ATG7: variants seen among roughly 807,000 people sequenced by gnomAD.
The protein encoded by ATG7 is autophagy related 7, also known as ubiquitin-like modifier-activating enzyme ATG7.
A neutral mutation model predicts 82.4 loss-of-function variants in ATG7; 70 were observed. The ratio of observed to expected loss-of-function variants is 0.85; its 90% CI spans 0.70 to 1.04. ATG7 has a LOEUF of 1.04. Among genes scored for constraint, ATG7 ranks in the 50% least tolerant of loss-of-function variants. The pLI, the probability that ATG7 is intolerant of heterozygous loss-of-function variation, is 0.00. For synonymous variants in ATG7, 287 were observed against 313.0 expected (o/e 0.92, Z 0.88); for missense variants, 792 against 864.3 (o/e 0.92, Z 1.05).
intron 19 of ATG7, among the ~76,000 whole-genome samples, chr3:11,396,228 C>A (rs542950430): frequency 6.6e-6 from 1 of 152,244 alleles, no homozygotes; most frequent in African/African-American, 2.4e-5. Flanking sequence ...AAGCGCATCA[C>A]TTGAGGTCAA....
downstream of ATG7, among the ~76,000 whole-genome samples, chr3:11,561,963 G>C (rs761743481): frequency 6.9e-6 from 1 of 145,344 alleles, no homozygotes; most frequent in South Asian, 2.2e-4. Context: ...GCAGTGACGC[G>C]ATCTTGGCTC....
At chr3:11,528,026 G>C (rs1372734065) in intron 20 of ATG7, among the ~76,000 whole-genome samples, 1 of 152,192 alleles carries the variant, frequency 6.6e-6, no homozygotes, top group Non-Finnish European at 1.5e-5. Context: ...CCTGTTACTT[G>C]AAGATCACCC....
intron 20 of ATG7, among the ~76,000 whole-genome samples, chr3:11,552,371 T>C (rs981377093): frequency 6.6e-6 from 1 of 152,214 alleles, no homozygotes; most frequent in Admixed American, 6.5e-5. Context: ...TTTTTTAAAA[T>C]GTGCCAGTTT....
At chr3:11,275,811 C>A (rs1317939682) in intron 1 of ATG7, among the ~76,000 whole-genome samples, 1 of 152,194 alleles carries the variant, frequency 6.6e-6, no homozygotes, top group Admixed American at 6.5e-5. Context: ...AGCCTATTCA[C>A]TCCATCTCAG....
chr3:11,401,363 A>C (rs2079818374), intron 19 of ATG7, among the ~76,000 whole-genome samples: 3 of 152,190 alleles, frequency 2.0e-5, no homozygotes, highest in Admixed American at 2.0e-4. Flanking sequence ...TCCTTCAAAT[A>C]ATATCTTTGG....
At chr3:11,309,451 AT>A (rs3836459) in intron 7 of ATG7, among the ~76,000 whole-genome samples, 85 of 147,318 alleles carry the variant, frequency 5.8e-4, no homozygotes, top group African/African-American at 1.4e-3. Context: ...TCGCTTGTTG[AT>A]TTTTTTTTTT....
chr3:11,305,022 C>T (rs939285213), intron 5 of ATG7, among the ~76,000 whole-genome samples: 7 of 152,170 alleles, frequency 4.6e-5, no homozygotes, highest in Admixed American at 4.6e-4. Flanking sequence ...TCCATACTCA[C>T]CAGCCCTAGC....
At chr3:11,518,361 CA>C (rs2092342192) in intron 20 of ATG7, among the ~76,000 whole-genome samples, 1 of 152,020 alleles carries the variant, frequency 6.6e-6, no homozygotes, top group South Asian at 2.1e-4. Context: ...GCTTGGCCAA[CA>C]ATGGTGAAAC....
chr3:11,325,527 C>T (rs1372791255), intron 9 of ATG7, among the ~76,000 whole-genome samples: 70 of 152,034 alleles, frequency 4.6e-4, no homozygotes, highest in Non-Finnish European at 5.9e-5. Flanking sequence ...CAAAATTAGC[C>T]GGGTGTGGTG....
At chr3:11,317,340 T>C (rs1446712169) in intron 9 of ATG7, among the ~76,000 whole-genome samples, 6 of 152,128 alleles carry the variant, frequency 3.9e-5, no homozygotes. Context: ...GTAGGTCAGG[T>C]TGTATGTGGT....
At chr3:11,478,493 G>C (rs766969414) in intron 20 of ATG7, among the ~76,000 whole-genome samples, 1 of 152,178 alleles carries the variant, frequency 6.6e-6, no homozygotes, top group Non-Finnish European at 1.5e-5. Flanking sequence ...ATTATCATGA[G>C]GGATTTGGAA....
At chr3:11,324,688 G>C (rs1950622295) in intron 9 of ATG7, among the ~76,000 whole-genome samples, 1 of 151,706 alleles carries the variant, frequency 6.6e-6, no homozygotes, top group Non-Finnish European at 1.5e-5. Flanking sequence ...TTGTCCTTAG[G>C]GTAAGAAATA....
chr3:11,273,489 G>A (rs1440297250), intron 1 of ATG7, among the ~76,000 whole-genome samples: 1 of 152,160 alleles, frequency 6.6e-6, no homozygotes, highest in African/African-American at 2.4e-5. Flanking sequence ...AAAGCTGCTA[G>A]TTTGTCTTCC....
At position 11,277,901 on chromosome 3, in the gene ATG7, C is replaced by A. The variant is rs1050000410; in HGVS notation, c.-365-3093C>A. ...AGCGGCCCTTTATAGACCCCCCCCC[C>A]CCCACCAGGAATGCATTCCTTTCCC... On this transcript the variant is annotated intron_variant, in intron 1 of 20. Transcript: ENST00000693202. Among the ~76,000 whole-genome samples, 4 of 136,590 alleles carry A rather than the reference C, an allele frequency of 2.9e-5. 1 individual carries two copies. The highest frequency in any genetic ancestry group is 5.5e-5 in the African/African-American group (2 of 36,208). 89.6% of individuals were successfully genotyped at this position (136,590 alleles called of 152,430 possible).
Position 11,557,625 on chromosome 3 carries a change from T to C in ATG7, c.*2782T>C, listed in dbSNP as rs537715092. 1.3e-5 allele frequency: 2 copies of C among 152,878 alleles called. No individual in the cohort carries two copies. The highest frequency in any genetic ancestry group is 4.1e-4 in the South Asian group (2 of 4,828). The allele number at this position is 152,878 out of a possible 1,614,324, so 9.5% of individuals were successfully genotyped here. On this transcript the variant is annotated 3_prime_UTR_variant, in exon 21 of 21. Transcript: ENST00000693202. ...CAACTGTACCAGCAGTAAGTATATC[T>C]AGGACTGTAACTGACAAAAATAAAC...
intron 5 of ATG7, among the ~76,000 whole-genome samples, chr3:11,303,984 G>C (rs1429572747): frequency 1.3e-5 from 2 of 151,704 alleles, no homozygotes; most frequent in Non-Finnish European, 2.9e-5. Context: ...CCAGCTACTC[G>C]GGAGGCTGAG....
intron 20 of ATG7, among the ~76,000 whole-genome samples, chr3:11,499,012 G>A (rs12107920): frequency 0.21 from 31,421 of 152,054 alleles, 3,700 homozygotes; most frequent in South Asian, 0.34. Flanking sequence ...TTACTCCACA[G>A]AGCCCTAAAA....
chr3:11,461,768 T>C (rs2086326196), intron 20 of ATG7, among the ~76,000 whole-genome samples: 1 of 152,090 alleles, frequency 6.6e-6, no homozygotes, highest in African/African-American at 2.4e-5. Flanking sequence ...GGCTCACACC[T>C]GTAATCCCAG....
At chr3:11,454,382 T>C (rs1297526182) in intron 20 of ATG7, among the ~76,000 whole-genome samples, 1 of 152,178 alleles carries the variant, frequency 6.6e-6, no homozygotes, top group Non-Finnish European at 1.5e-5. Context: ...CAATGAGGTA[T>C]GATGAAACTT....
Sources: allele counts gnomAD v4.1 joint callset (sites outside exome capture counted in the v4.1 genomes callset), GRCh38; gene constraint gnomAD v4.1.1; transcripts MANE v1.5; gene names NCBI Gene and HGNC (gene_info 2026-07-23, HGNC 2026-07-21).